Variants in MTOR observed in about 807,000 individuals in gnomAD.
The protein encoded by MTOR is serine/threonine-protein kinase mTOR.
In MTOR, 70 loss-of-function variants were observed where a neutral mutation model predicts 319.8. The observed-to-expected ratio is 0.22, with a 90% CI of 0.18 to 0.27. The LOEUF (loss-of-function observed/expected upper bound fraction) is 0.27. Among genes scored for constraint, MTOR ranks in the 10% least tolerant of loss-of-function variants. The pLI is 1.00. For synonymous variants in MTOR, 1,183 were observed against 1,211.4 expected, an observed-to-expected ratio of 0.98 and a Z score of 0.49; for missense variants, 1,890 against 3,274.4, an observed-to-expected ratio of 0.58 and a Z score of 10.32.
Position 11,210,845 on chromosome 1 carries a change from C to A in MTOR, c.3623G>T (p.Arg1208Leu), listed in dbSNP as rs1481407496. The change falls in exon 24 of 58, where the codon CGC (arginine) becomes CTC (leucine). Residue 1208 changes from arginine to leucine, a missense_variant. Around this residue, in one of 15 missense-constraint regions of MTOR, gnomAD observed 115 missense variants for 105.7 expected, o/e 1.09. Coordinates refer to ENST00000361445, the MANE Select transcript of MTOR (RefSeq NM_004958.4). ...VLVRHRINHQ[R>L]YDVLICRIVK... ...AATTCTGCAGATGAGCACATCATAGCGCTGATGATTGATTCGGTGTCGCAC... is the reference window on the plus strand; with the variant it reads ...AATTCTGCAGATGAGCACATCATAGAGCTGATGATTGATTCGGTGTCGCAC... 6 of 1,613,700 alleles carry A rather than the reference C, an allele frequency of 3.7e-6. No individual in the cohort carries two copies. Among genetic ancestry groups the A allele is most frequent in the Non-Finnish European group, 5.1e-6 (6 of 1,179,864 alleles).
At chr1:11,194,606 CCAAGGA>C in intron 28 of MTOR, 1 of 1,614,134 alleles carries the variant, frequency 6.2e-7, no homozygotes, top group Non-Finnish European at 8.5e-7. Context: ...GCCTTCAGCA[CCAAGGA>C]CAAGGACAAT....
chr1:11,229,462 C>G (rs977114741), intron 18 of MTOR, among the ~76,000 whole-genome samples: 2 of 152,028 alleles, frequency 1.3e-5, no homozygotes, highest in African/African-American at 4.8e-5. Flanking sequence ...AGGGTAAGAA[C>G]TAAACAGATG....
intron 3 of MTOR, 55 bp downstream of exon 3, chr1:11,258,430 G>A: frequency 8.4e-7 from 1 of 1,193,054 alleles, no homozygotes. Context: ...GACACAGGGT[G>A]CAGTGGGCAC....
chr1:11,216,342 A>T (rs1217176054), intron 19 of MTOR, 108 bp from the exon 20 acceptor site: 2 of 739,356 alleles, frequency 2.7e-6, no homozygotes, highest in Non-Finnish European at 4.7e-6. Context: ...ATGGGTTTCC[A>T]CACTACACTA....
rs570822135 is a variant in MTOR, at chr1:11,184,708, G to A, written c.4253+14550C>T. Reference sequence around the variant, plus strand: ...TGATTGCACTACAGCACTCCAGGGTGGGTAACAGAATGAGACTATGTCTCT... The same window carrying A: ...TGATTGCACTACAGCACTCCAGGGTAGGTAACAGAATGAGACTATGTCTCT... On this transcript the variant is annotated intron_variant, in intron 28 of 57. Coordinates refer to ENST00000361445, the MANE Select transcript of MTOR (RefSeq NM_004958.4). Among the ~76,000 whole-genome samples, 8 of 152,096 alleles carry A rather than the reference G, an allele frequency of 5.3e-5. No homozygotes were observed. In the East Asian group the frequency reaches 1.4e-3, roughly 26 times the overall value.
chr1:11,156,983 T>C (rs754911260), intron 30 of MTOR, among the ~76,000 whole-genome samples, 169 bp downstream of exon 30: 1 of 152,002 alleles, frequency 6.6e-6, no homozygotes, highest in Non-Finnish European at 1.5e-5. Context: ...TGAGATAGAA[T>C]GGAGAGAGAA....
chr1:11,241,766 C>T (rs115259480), intron 9 of MTOR, 85 bp from the exon 10 acceptor site: 24,307 of 1,504,454 alleles, frequency 0.016, 269 homozygotes, highest in South Asian at 0.023. Flanking sequence ...GCAAGGAGAG[C>T]AGGTTACTCA....
At chr1:11,120,092 CTT>C (rs1013216519) in intron 49 of MTOR, among the ~76,000 whole-genome samples, 76 of 149,888 alleles carry the variant, frequency 5.1e-4, no homozygotes, top group African/African-American at 1.9e-3. Flanking sequence ...TATAAAATTG[CTT>C]TGAGACAAGG....
chr1:11,193,467 G>C, intron 28 of MTOR: 1 of 902,106 alleles, frequency 1.1e-6, no homozygotes, highest in Non-Finnish European at 1.6e-6. Flanking sequence ...GTGACTGCGG[G>C]AGTGCACACA....
At chr1:11,119,573 G>GGAAAAA (rs1553172104) in intron 49 of MTOR, among the ~76,000 whole-genome samples, 2 of 24,878 alleles carry the variant, frequency 8.0e-5, no homozygotes, top group South Asian at 1.2e-3. Flanking sequence ...TCCGTCTCGA[G>GGAAAAA]AAAAAAAAAA....
At chr1:11,172,598 C>T (rs1445205945) in intron 28 of MTOR, among the ~76,000 whole-genome samples, 6 of 148,574 alleles carry the variant, frequency 4.0e-5, no homozygotes, top group South Asian at 4.2e-4. Context: ...GGGCCAGGCG[C>T]GGTGGCTCAC....
chr1:11,180,772 A>G (rs1645120423), intron 28 of MTOR, among the ~76,000 whole-genome samples: 2 of 151,700 alleles, frequency 1.3e-5, no homozygotes, highest in South Asian at 4.2e-4. Flanking sequence ...CTGCCCAGAA[A>G]TAAGGCAGGT....
chr1:11,194,409 G>C (rs1177526355), intron 28 of MTOR: 2 of 1,564,540 alleles, frequency 1.3e-6, no homozygotes, highest in East Asian at 2.2e-5. Context: ...TATAGAGACA[G>C]CATGAAATGG....
chr1:11,199,807 T>A lies in MTOR; in HGVS notation c.3945-104A>T. 1 of 1,197,056 alleles carries A rather than the reference T, an allele frequency of 8.4e-7. No individual in the cohort carries two copies. Among genetic ancestry groups the A allele is most frequent in the Admixed American group, 2.0e-5 (1 of 49,572 alleles). 74.2% of individuals were successfully genotyped at this position (1,197,056 alleles called of 1,614,324 possible). ...CTTTTGGCATCACTGATTTTGGTTA[T>A]ACAAACCAGTGCTATACAGACCAGT... is the stretch of plus-strand genomic sequence containing the variant. On this transcript the variant is annotated intron_variant, in intron 26 of 57. Transcript: ENST00000361445. The surrounding 1 kb of genome is among the most constrained non-coding windows in gnomAD (Gnocchi z 4.5).
At chr1:11,167,973 C>A (rs188039742) in intron 28 of MTOR, among the ~76,000 whole-genome samples, 2 of 151,536 alleles carry the variant, frequency 1.3e-5, no homozygotes, top group African/African-American at 4.9e-5. Context: ...AGGAGGCTGA[C>A]GCGGGAGAAT....
At chr1:11,110,425 G>A (rs1486003165) in intron 54 of MTOR, among the ~76,000 whole-genome samples, 8 of 151,648 alleles carry the variant, frequency 5.3e-5, no homozygotes, top group African/African-American at 1.2e-4. Context: ...TTTTTGAGAC[G>A]GAGTTTCGCT....
intron 28 of MTOR, chr1:11,193,490 G>A (rs1645632708): frequency 2.5e-6 from 3 of 1,213,936 alleles, no homozygotes; most frequent in Non-Finnish European, 3.4e-6. Context: ...TACTGGCTCT[G>A]CAGGGACAGG....
chr1:11,210,491 GT>G (rs1646274874), intron 24 of MTOR, among the ~76,000 whole-genome samples: 1 of 151,992 alleles, frequency 6.6e-6, no homozygotes, highest in Non-Finnish European at 1.5e-5. Flanking sequence ...CTTTTAAATG[GT>G]TGGGGGGAAA....
chr1:11,197,578 G>A (rs1645828302), intron 28 of MTOR, among the ~76,000 whole-genome samples: 1 of 152,134 alleles, frequency 6.6e-6, no homozygotes, highest in Non-Finnish European at 1.5e-5. Flanking sequence ...GAATCTCGCT[G>A]TCATCCAGGC....
Sources: allele counts gnomAD v4.1 joint callset (sites outside exome capture counted in the v4.1 genomes callset), GRCh38; gene constraint gnomAD v4.1.1; regional missense constraint gnomAD v4.1.1; non-coding constraint Gnocchi (gnomAD v3.1); transcripts MANE v1.5; gene names NCBI Gene and HGNC (gene_info 2026-07-23, HGNC 2026-07-21).